Variants in MFAP1 observed in about 807,000 individuals in gnomAD.
MFAP1 encodes microfibril associated protein 1.
In MFAP1, 18 loss-of-function variants were observed where a neutral mutation model predicts 62.2. That is an observed-to-expected ratio of 0.29 (90% CI 0.20 to 0.43). The LOEUF (loss-of-function observed/expected upper bound fraction) is 0.43, where lower values mean the gene tolerates loss of function less well. Among genes scored for constraint, MFAP1 ranks in the 20% least tolerant of loss-of-function variants. The pLI is 1.00. For missense variants in MFAP1, 355 were observed against 559.7 expected, an observed-to-expected ratio of 0.63 and a Z score of 3.69; for synonymous variants, 175 against 180.4, an observed-to-expected ratio of 0.97 and a Z score of 0.24.
chr15:43,814,731 G>A, intron 3 of MFAP1, 43 bp from the exon 4 acceptor site: 1 of 1,591,270 alleles, frequency 6.3e-7, no homozygotes. Context: ...AATGGCCTAT[G>A]GCTTTTTGTT....
chr15:43,816,250 CTT>C (rs71299553), intron 2 of MFAP1, among the ~76,000 whole-genome samples: 1 of 135,742 alleles, frequency 7.4e-6, no homozygotes, highest in Non-Finnish European at 1.5e-5. Flanking sequence ...TTTTTCTTTT[CTT>C]TTTTTTTTTT....
Position 43,805,475 on chromosome 15 carries a change from A to G in MFAP1, c.1048-10T>C, listed in dbSNP as rs752677071. ...CTTCTTCATCCTCATCCTGTATAAAAAAAATCTTATCAATCTTGTGGCTTT... is the reference window on the plus strand; with the variant it reads ...CTTCTTCATCCTCATCCTGTATAAAGAAAATCTTATCAATCTTGTGGCTTT... On this transcript the variant is annotated splice_polypyrimidine_tract_variant and intron_variant, in intron 7 of 8. Coordinates refer to ENST00000267812, the MANE Select transcript of MFAP1 (RefSeq NM_005926.3). The G allele has an allele frequency of 7.5e-6, 12 of 1,595,984 alleles. No homozygotes were observed. The Middle Eastern group carries it at 1.9e-3, about 250-fold the overall frequency.
chr15:43,811,176 AG>A (rs200330604), intron 6 of MFAP1, among the ~76,000 whole-genome samples: 2,577 of 150,558 alleles, frequency 0.017, 79 homozygotes, highest in African/African-American at 0.06. Flanking sequence ...GCACTTTGGG[AG>A]GCCGAGGTGG....
chr15:43,817,688 G>C (rs2087442451), intron 1 of MFAP1, among the ~76,000 whole-genome samples: 1 of 152,154 alleles, frequency 6.6e-6, no homozygotes, highest in East Asian at 1.9e-4. Flanking sequence ...TGAGTACAAT[G>C]AAGTAGAGGA....
intron 7 of MFAP1, 132 bp from the exon 8 acceptor site, chr15:43,805,597 T>A: frequency 1.5e-6 from 1 of 664,758 alleles, no homozygotes; most frequent in Non-Finnish European, 2.4e-6. Flanking sequence ...AGCTTACATC[T>A]AGTTGAAGAG....
intron 6 of MFAP1, 39 bp downstream of exon 6, chr15:43,812,948 C>T: frequency 6.2e-7 from 1 of 1,606,514 alleles, no homozygotes; most frequent in Non-Finnish European, 8.5e-7. Flanking sequence ...AAACCTGTTC[C>T]ATTAGCAGCA....
chr15:43,817,566 GA>G, intron 1 of MFAP1, 118 bp from the exon 2 acceptor site: 1 of 1,004,372 alleles, frequency 1.0e-6, no homozygotes, highest in Non-Finnish European at 1.5e-6. Context: ...AGCAGAAGAA[GA>G]AGAGAGCCAC....
At chr15:43,818,081 G>A (rs1265764591) in intron 1 of MFAP1, among the ~76,000 whole-genome samples, 4 of 149,498 alleles carry the variant, frequency 2.7e-5, no homozygotes, top group South Asian at 2.1e-4. Flanking sequence ...GTGCAGTGGC[G>A]TGGTCTCGGC....
At chr15:43,810,612 C>G (rs2087393009) in intron 6 of MFAP1, among the ~76,000 whole-genome samples, 1 of 152,124 alleles carries the variant, frequency 6.6e-6, no homozygotes. Context: ...CGTGATCCGC[C>G]CGCCTTGGCC....
Position 43,813,148 on chromosome 15 carries a change from C to T in MFAP1, c.727-1G>A, listed in dbSNP as rs1186033614. On this transcript the variant is annotated splice_acceptor_variant, in intron 5 of 8. Coordinates refer to ENST00000267812, the MANE Select transcript of MFAP1 (RefSeq NM_005926.3). LOFTEE classifies it high-confidence loss of function. ...CTTTTTTGGTTTCCTCTTCGACAAT[C>T]TGGATAGGGAGAACAATTCAGCTTG... 2 of 1,614,094 alleles carry T rather than the reference C, an allele frequency of 1.2e-6. No individual in the cohort carries two copies. Among genetic ancestry groups the T allele is most frequent in the Non-Finnish European group, 1.7e-6 (2 of 1,180,008 alleles).
intron 6 of MFAP1, among the ~76,000 whole-genome samples, chr15:43,812,027 T>TA (rs1478969556): frequency 6.6e-6 from 1 of 151,902 alleles, no homozygotes; most frequent in Non-Finnish European, 1.5e-5. Flanking sequence ...CTGTCTGTAC[T>TA]AAAAATACGA....
At chr15:43,822,313 T>A (rs552161782) in intron 1 of MFAP1, among the ~76,000 whole-genome samples, 16 of 152,132 alleles carry the variant, frequency 1.1e-4, no homozygotes, top group Non-Finnish European at 1.6e-4. Context: ...AAAAATCTGA[T>A]ACAACCAAGT....
rs1596057288 is a variant in MFAP1 at position 43,814,763 on chromosome 15, T to C, written c.430-75A>G. 50 of 1,534,832 alleles carry C rather than the reference T, an allele frequency of 3.3e-5. No homozygotes were observed. In the East Asian group the frequency reaches 1.1e-3, roughly 34 times the overall value. ...TGTTCGTCTCATCAAACACAACAAATTCAAATGTAAAAAGATACAACTTAG... is the reference window on the plus strand; with the variant it reads ...TGTTCGTCTCATCAAACACAACAAACTCAAATGTAAAAAGATACAACTTAG... On this transcript the variant is annotated intron_variant, in intron 3 of 8. Coordinates refer to ENST00000267812, the MANE Select transcript of MFAP1 (RefSeq NM_005926.3).
chr15:43,823,355 C>G (rs914444105), intron 1 of MFAP1, among the ~76,000 whole-genome samples: 2 of 151,750 alleles, frequency 1.3e-5, no homozygotes, highest in East Asian at 3.9e-4. Flanking sequence ...CTAGTATTGG[C>G]TAGAGAATGA....
chr15:43,808,180 G>T (rs1221288893), intron 7 of MFAP1, among the ~76,000 whole-genome samples: 2 of 152,208 alleles, frequency 1.3e-5, no homozygotes, highest in Non-Finnish European at 2.9e-5. Context: ...ATTAAAAATA[G>T]CACTATCTTG....
chr15:43,819,781 C>T (rs1230906438), intron 1 of MFAP1, among the ~76,000 whole-genome samples: 1 of 152,174 alleles, frequency 6.6e-6, no homozygotes, highest in Non-Finnish European at 1.5e-5. Flanking sequence ...GATCTGCCAG[C>T]CTCAGTATCA....
At chr15:43,806,603 A>G (rs1184024665) in intron 7 of MFAP1, among the ~76,000 whole-genome samples, 1 of 152,256 alleles carries the variant, frequency 6.6e-6, no homozygotes, top group East Asian at 1.9e-4. Flanking sequence ...GGCTGGGCGC[A>G]GTGGCTCACG....
rs1265561061 is a variant in MFAP1, at chr15:43,814,600, C to A, written c.518G>T (p.Gly173Val). The A allele has an allele frequency of 2.5e-6, 4 of 1,614,000 alleles. No individual in the cohort carries two copies. In the Admixed American group the frequency reaches 5.0e-5, roughly 20 times the overall value. ...TGATTCTGACTCCTCTCCAGAACGA[C>A]CCTCATCTTCCACTTCCATGACTTC... Reference protein sequence around the residue: ...EMEVMEVEDEGRSGEESESES... With the variant: ...EMEVMEVEDEVRSGEESESES... The change falls in exon 4 of 9, where the codon GGT (glycine) becomes GTT (valine). Residue 173 changes from glycine (G) to valine (V), a missense_variant. Gly to Val is a moderately radical substitution (Grantham distance 109, BLOSUM62 -3). Coordinates refer to ENST00000267812, the MANE Select transcript of MFAP1 (RefSeq NM_005926.3).
At chr15:43,809,676 ATT>A (rs1246304688) in intron 7 of MFAP1, 77 bp downstream of exon 7, 1 of 1,519,032 alleles carries the variant, frequency 6.6e-7, no homozygotes, top group Admixed American at 1.9e-5. Flanking sequence ...ATTCCAGAAT[ATT>A]CTTGAAGAGA....
Sources: gnomAD v4.1 joint callset for allele counts (sites outside exome capture counted in the v4.1 genomes callset) on GRCh38, gnomAD v4.1.1 for gene constraint, MANE v1.5 for transcripts, NCBI Gene and HGNC (gene_info 2026-07-23, HGNC 2026-07-21) for gene names.